TENM3: variants seen among roughly 807,000 people sequenced by gnomAD.
TENM3 encodes teneurin transmembrane protein 3.
In TENM3, 63 loss-of-function variants were observed where a neutral mutation model predicts 255.1. The observed-to-expected ratio is 0.25, with a 90% CI of 0.20 to 0.30. TENM3 has a LOEUF of 0.30. Among genes scored for constraint, TENM3 ranks in the 10% least tolerant of loss-of-function variants. The pLI, the probability that TENM3 is intolerant of heterozygous loss-of-function variation, is 1.00. For missense variants in TENM3, 2,929 were observed against 3,461.1 expected (o/e 0.85, Z 3.86); for synonymous variants, 1,306 against 1,322.3 (o/e 0.99, Z 0.27).
intron 1 of TENM3, among the ~76,000 whole-genome samples, chr4:182,193,301 C>T (rs1274352356): frequency 1.3e-5 from 2 of 152,034 alleles, no homozygotes; most frequent in Non-Finnish European, 2.9e-5. Context: ...ACTGTGTTTC[C>T]CAGCCTCTCC....
At chr4:182,745,663 C>T (rs183874938) in intron 19 of TENM3, among the ~76,000 whole-genome samples, 1 of 152,268 alleles carries the variant, frequency 6.6e-6, no homozygotes, top group East Asian at 1.9e-4. Context: ...AGTTAAACCA[C>T]TCTAAAAATA....
the TENM3 span, among the ~76,000 whole-genome samples, chr4:181,546,801 G>GT: frequency 2.6e-5 from 4 of 151,074 alleles, no homozygotes; most frequent in African/African-American, 4.9e-5. Flanking sequence ...CTGCACAGTT[G>GT]TTTTTCCCCA....
chr4:182,411,262 T>C (rs1262394428), intron 3 of TENM3, among the ~76,000 whole-genome samples: 4 of 152,216 alleles, frequency 2.6e-5, no homozygotes, highest in Non-Finnish European at 4.4e-5. Context: ...ACTAACAAGA[T>C]AACAATTTTT....
the TENM3 span, among the ~76,000 whole-genome samples, chr4:181,943,035 T>C: frequency 2.0e-5 from 3 of 152,200 alleles, no homozygotes; most frequent in Non-Finnish European, 4.4e-5. Flanking sequence ...TCTGTAAGAA[T>C]TGCCATTCAA....
chr4:182,236,672 A>G (rs956048528), intron 1 of TENM3, among the ~76,000 whole-genome samples: 1 of 152,224 alleles, frequency 6.6e-6, no homozygotes, highest in African/African-American at 2.4e-5. Context: ...GAATTAAGAA[A>G]CTTTTCTTGA....
intron 4 of TENM3, among the ~76,000 whole-genome samples, chr4:182,619,702 G>T (rs1027340956): frequency 1.3e-5 from 2 of 152,170 alleles, no homozygotes; most frequent in East Asian, 3.9e-4. Flanking sequence ...AACTGTTAGT[G>T]TTCGGTGACC....
Position 182,703,336 on chromosome 4 carries a change from A to C in TENM3, c.2222-10751A>C, listed in dbSNP as rs75904955. 5.0e-3 allele frequency among the ~76,000 whole-genome samples: 767 copies of C among 152,358 alleles called. 7 individuals are homozygous for C. The highest frequency in any genetic ancestry group is 0.017 in the African/African-American group (724 of 41,584). On this transcript the variant is annotated intron_variant, in intron 12 of 27. Coordinates refer to ENST00000511685, the MANE Select transcript of TENM3 (RefSeq NM_001080477.4). The stretch of plus-strand genomic sequence containing the variant: ...AAAATAACAATTACAACAACAAAAA[A>C]TGGTTTGAGGAAAATCAGTTTATAC...
chr4:181,833,039 C>T, the TENM3 span, among the ~76,000 whole-genome samples: 1 of 152,194 alleles, frequency 6.6e-6, no homozygotes, highest in South Asian at 2.1e-4. Context: ...AACTCAGTAA[C>T]ATATTCTAGG....
the TENM3 span, among the ~76,000 whole-genome samples, chr4:182,029,812 A>C: frequency 6.6e-6 from 1 of 152,142 alleles, no homozygotes; most frequent in Non-Finnish European, 1.5e-5. Flanking sequence ...ATTTTTTTAA[A>C]TTAGTATCAA....
chr4:182,598,191 TA>T (rs1054328731), intron 3 of TENM3, among the ~76,000 whole-genome samples: 12 of 152,134 alleles, frequency 7.9e-5, no homozygotes, highest in African/African-American at 2.4e-4. Flanking sequence ...AAAAAACAAT[TA>T]AAAAAATTTT....
chr4:182,702,414 T>A (rs929729518), intron 12 of TENM3, among the ~76,000 whole-genome samples: 2 of 152,166 alleles, frequency 1.3e-5, no homozygotes, highest in African/African-American at 4.8e-5. Context: ...CAATCCCACA[T>A]TTCTTTCCTC....
the TENM3 span, among the ~76,000 whole-genome samples, chr4:182,112,072 T>A: frequency 6.6e-6 from 1 of 152,176 alleles, no homozygotes; most frequent in Non-Finnish European, 1.5e-5. Context: ...GGAGGATCAC[T>A]TGACCCCGGG....
At chr4:181,527,173 A>G in the TENM3 span, among the ~76,000 whole-genome samples, 1 of 152,310 alleles carries the variant, frequency 6.6e-6, no homozygotes, top group South Asian at 2.1e-4. Flanking sequence ...TGTCTTTTGT[A>G]TGTCTGGAAA....
At chr4:181,804,082 AGAAAG>A in the TENM3 span, among the ~76,000 whole-genome samples, 1 of 136,446 alleles carries the variant, frequency 7.3e-6, no homozygotes, top group Non-Finnish European at 1.6e-5. Context: ...AAAGAAAGAA[AGAAAG>A]GAAGGGAGGG....
intron 22 of TENM3, among the ~76,000 whole-genome samples, chr4:182,771,638 G>A (rs888068970): frequency 6.6e-6 from 1 of 152,164 alleles, no homozygotes; most frequent in East Asian, 1.9e-4. Context: ...ATGCCAAACT[G>A]AACGACAGAA....
the TENM3 span, among the ~76,000 whole-genome samples, chr4:181,895,850 G>A: frequency 1.3e-5 from 2 of 151,908 alleles, no homozygotes; most frequent in African/African-American, 2.4e-5. Context: ...CAGCCTGATT[G>A]TATTCTCTAT....
intron 2 of TENM3, among the ~76,000 whole-genome samples, chr4:182,328,496 G>A (rs946329457): frequency 3.3e-5 from 5 of 152,120 alleles, no homozygotes; most frequent in African/African-American, 4.8e-5. Flanking sequence ...GATTACAGGC[G>A]TGAGCCACTG....
chr4:181,726,210 A>G, the TENM3 span, among the ~76,000 whole-genome samples: 1 of 152,226 alleles, frequency 6.6e-6, no homozygotes, highest in Non-Finnish European at 1.5e-5. Flanking sequence ...ATTCAAAAAT[A>G]AAACGCACAT....
In TENM3 at chr4:182,691,027, A is replaced by G. The variant is rs375938327; in HGVS notation, c.2221+2676A>G. Among the ~76,000 whole-genome samples the G allele has an allele frequency of 7.2e-5, 11 of 152,326 alleles. No individual in the cohort carries two copies. The East Asian group carries it at 1.2e-3, about 16-fold the overall frequency. The stretch of plus-strand genomic sequence containing the variant: ...TTAAAGCATTCTGCTCTTTTATACT[A>G]ATAAGATGAGTTATTTCCAATTTTG... On this transcript the variant is annotated intron_variant, in intron 12 of 27. Transcript: ENST00000511685.
Sources: allele counts gnomAD v4.1 joint callset (sites outside exome capture counted in the v4.1 genomes callset), GRCh38; gene constraint gnomAD v4.1.1; transcripts MANE v1.5; gene names NCBI Gene and HGNC (gene_info 2026-07-23, HGNC 2026-07-21).